Variants in ANXA8 observed in about 807,000 individuals in gnomAD.
The protein encoded by ANXA8 is VAC-beta.
A neutral mutation model predicts 26.8 loss-of-function variants in ANXA8; 9 were observed. The observed-to-expected ratio is 0.34, with a 90% confidence interval of 0.20 to 0.59. ANXA8 has a LOEUF of 0.59. Ranked by LOEUF, ANXA8 falls within the 20% of genes least tolerant of loss-of-function variation. The pLI is 0.84. For synonymous variants in ANXA8, 39 were observed against 94.8 expected (o/e 0.41, Z 3.42); for missense variants, 83 against 238.5 (o/e 0.35, Z 4.29).
the ANXA8 span, among the ~76,000 whole-genome samples, chr10:47,704,613 A>T: frequency 6.6e-6 from 1 of 151,510 alleles, no homozygotes; most frequent in African/African-American, 2.4e-5. Flanking sequence ...TGCCATTATT[A>T]TAGATGGTTT....
chr10:47,554,107 C>T, the ANXA8 span, among the ~76,000 whole-genome samples: 1 of 47,064 alleles, frequency 2.1e-5, no homozygotes, highest in Non-Finnish European at 3.8e-5. Context: ...CTACATCTCT[C>T]AAAAAATAAA....
chr10:47,650,779 C>G, the ANXA8 span, among the ~76,000 whole-genome samples: 1 of 147,560 alleles, frequency 6.8e-6, no homozygotes, highest in African/African-American at 2.6e-5. Flanking sequence ...TGCACTCCAG[C>G]CTGGGCGACA....
the ANXA8 span, among the ~76,000 whole-genome samples, chr10:47,949,047 GCT>G: frequency 7.8e-6 from 1 of 128,612 alleles, no homozygotes. Context: ...TACACCATTG[GCT>G]CTGCTGTTTC....
At chr10:47,469,025 A>G (rs1296971865) in intron 11 of ANXA8, 119 bp from the exon 12 acceptor site, 7 of 1,411,548 alleles carry the variant, frequency 5.0e-6, no homozygotes, top group East Asian at 5.1e-5. Flanking sequence ...CCGGCCCTCC[A>G]GGGTTCCTAG....
At chr10:47,949,833 G>C in the ANXA8 span, among the ~76,000 whole-genome samples, 1 of 149,222 alleles carries the variant, frequency 6.7e-6, no homozygotes, top group African/African-American at 2.5e-5. Flanking sequence ...ATCAAGAAAA[G>C]AGAAATAAAG....
the ANXA8 span, among the ~76,000 whole-genome samples, chr10:47,762,150 C>G: frequency 6.7e-6 from 1 of 149,038 alleles, no homozygotes; most frequent in Admixed American, 6.7e-5. Flanking sequence ...CTCTAACACC[C>G]GCTCCCTCCC....
chr10:47,570,521 C>T, the ANXA8 span, among the ~76,000 whole-genome samples: 6 of 149,902 alleles, frequency 4.0e-5, no homozygotes, highest in Non-Finnish European at 7.4e-5. Flanking sequence ...GCTTGTAATC[C>T]CAGCATTTTT....
the ANXA8 span, among the ~76,000 whole-genome samples, chr10:47,669,729 A>C: frequency 6.6e-6 from 1 of 151,896 alleles, no homozygotes; most frequent in Non-Finnish European, 1.5e-5. Flanking sequence ...ACAAAAACAA[A>C]AAAACCCCAA....
At chr10:47,778,763 AT>A in the ANXA8 span, among the ~76,000 whole-genome samples, 2 of 151,812 alleles carry the variant, frequency 1.3e-5, no homozygotes, top group Admixed American at 6.6e-5. Flanking sequence ...CAGGCACAGT[AT>A]TTTTTTGGGC....
the ANXA8 span, among the ~76,000 whole-genome samples, chr10:47,749,353 A>G: frequency 1.3e-5 from 2 of 151,362 alleles, no homozygotes. Flanking sequence ...CTATGATAGA[A>G]TCACAGAAAT....
the ANXA8 span, chr10:47,502,289 C>T: frequency 6.2e-7 from 1 of 1,601,046 alleles, no homozygotes; most frequent in Admixed American, 1.7e-5. Flanking sequence ...TCGTTCACCT[C>T]CTCACGGGAG....
the ANXA8 span, among the ~76,000 whole-genome samples, chr10:47,684,431 G>GGT: frequency 2.7e-5 from 4 of 147,046 alleles, no homozygotes; most frequent in African/African-American, 1.0e-4. Flanking sequence ...TTTGGGGGGG[G>GGT]GGTGAGGAGG....
chr10:47,646,595 T>A, the ANXA8 span, among the ~76,000 whole-genome samples: 1 of 150,160 alleles, frequency 6.7e-6, no homozygotes, highest in Non-Finnish European at 1.5e-5. Context: ...AAGACCAACA[T>A]TTTTACAATA....
chr10:47,581,094 A>C, the ANXA8 span: 1 of 199,788 alleles, frequency 5.0e-6, no homozygotes, highest in Non-Finnish European at 1.0e-5. Context: ...CAAACAAAAA[A>C]ATTATACAAA....
chr10:47,695,231 C>T, the ANXA8 span, among the ~76,000 whole-genome samples: 3 of 151,756 alleles, frequency 2.0e-5, no homozygotes, highest in Non-Finnish European at 4.4e-5. Flanking sequence ...ATATATCACT[C>T]GCCTGAACTC....
chr10:47,565,573 G>A, the ANXA8 span: 1 of 292,202 alleles, frequency 3.4e-6, no homozygotes, highest in Non-Finnish European at 6.2e-6. Context: ...CGCCCTGCCC[G>A]GACGCCGCGC....
chr10:47,559,465 T>C, the ANXA8 span, among the ~76,000 whole-genome samples: 7 of 151,996 alleles, frequency 4.6e-5, no homozygotes, highest in East Asian at 1.4e-3. Context: ...TAGAATGTAG[T>C]TAAGAATTTT....
chr10:47,485,872 G>T (rs1840032662), upstream of ANXA8, among the ~76,000 whole-genome samples: 2 of 151,872 alleles, frequency 1.3e-5, no homozygotes, highest in Admixed American at 6.6e-5. Context: ...ACTTTGGGAG[G>T]CCAAGACAGG....
chr10:47,899,388 AT>A, the ANXA8 span, among the ~76,000 whole-genome samples: 2 of 81,068 alleles, frequency 2.5e-5, no homozygotes, highest in South Asian at 4.1e-4. Context: ...TAAAAATATT[AT>A]TTTTTTTTGA....
Sources: allele counts gnomAD v4.1 joint callset (sites outside exome capture counted in the v4.1 genomes callset), GRCh38; gene constraint gnomAD v4.1.1; transcripts MANE v1.5; gene names NCBI Gene and HGNC (gene_info 2026-07-23, HGNC 2026-07-21).